Variants in SPEF2 observed in about 807,000 individuals in gnomAD.
SPEF2 encodes sperm flagella and cilia-associated protein 2.
SPEF2 carries 187 observed loss-of-function variants against 224.6 expected under a neutral mutation model. That is an observed-to-expected ratio of 0.83 (90% CI 0.74 to 0.94). The LOEUF (loss-of-function observed/expected upper bound fraction) is 0.94, where lower values mean the gene tolerates loss of function less well. Ranked by LOEUF, SPEF2 falls within the 40% of genes least tolerant of loss-of-function variation. The pLI, the probability that SPEF2 is intolerant of heterozygous loss-of-function variation, is 0.00. For synonymous variants in SPEF2, 715 were observed against 707.3 expected, an observed-to-expected ratio of 1.01 and a Z score of -0.17; for missense variants, 2,170 against 2,135.6, an observed-to-expected ratio of 1.02 and a Z score of -0.32.
chr5:35,681,978 A>T (rs1250105351), intron 10 of SPEF2, among the ~76,000 whole-genome samples: 1 of 152,186 alleles, frequency 6.6e-6, no homozygotes, highest in Non-Finnish European at 1.5e-5. Flanking sequence ...CATAAATTCA[A>T]ATTTCCCTGA....
intron 36 of SPEF2, among the ~76,000 whole-genome samples, chr5:35,808,870 AT>A (rs1022919088): frequency 1.4e-5 from 2 of 147,230 alleles, no homozygotes; most frequent in African/African-American, 5.1e-5. Context: ...ATGTAAAAAA[AT>A]TGGGTTTTAC....
chr5:35,763,428 C>T, intron 25 of SPEF2, 94 bp from the exon 26 acceptor site: 1 of 1,184,122 alleles, frequency 8.4e-7, no homozygotes, highest in Non-Finnish European at 1.1e-6. Flanking sequence ...TGAGATTAAA[C>T]CAAGACAGTA....
chr5:35,758,891 G>A (rs1222067212), intron 24 of SPEF2, among the ~76,000 whole-genome samples: 9 of 150,168 alleles, frequency 6.0e-5, no homozygotes, highest in East Asian at 2.0e-4. Flanking sequence ...CTGTAAACCC[G>A]GCTACTCAGG....
At chr5:35,693,906 T>TA (rs139473114) in intron 12 of SPEF2, among the ~76,000 whole-genome samples, 2 of 152,188 alleles carry the variant, frequency 1.3e-5, no homozygotes, top group Non-Finnish European at 2.9e-5. Flanking sequence ...AATGTACATT[T>TA]AAAAAAATTA....
intron 2 of SPEF2, among the ~76,000 whole-genome samples, chr5:35,640,811 T>A (rs993243726): frequency 6.6e-6 from 1 of 152,138 alleles, no homozygotes; most frequent in Non-Finnish European, 1.5e-5. Context: ...GAACATGAAT[T>A]CAAGATATTG....
chr5:35,792,314 A>G (rs1246148444), intron 30 of SPEF2, 26 bp from the exon 31 acceptor site: 1 of 1,582,250 alleles, frequency 6.3e-7, no homozygotes, highest in Non-Finnish European at 8.6e-7. Flanking sequence ...AAACCAAGTG[A>G]CAAAATATTT....
At chr5:35,791,603 A>T (rs1195301623) in intron 30 of SPEF2, 2 of 151,412 alleles carry the variant, frequency 1.3e-5, no homozygotes, top group African/African-American at 4.8e-5. Context: ...TTAGCCAGAC[A>T]TTTTTTTTTA....
chr5:35,764,481 A>G (rs753120873), intron 26 of SPEF2: 11 of 437,674 alleles, frequency 2.5e-5, no homozygotes, highest in Admixed American at 1.5e-4. Context: ...GTGCCACACC[A>G]TGGGGAAGAT....
At chr5:35,648,799 A>C (rs1747770592) in intron 5 of SPEF2, among the ~76,000 whole-genome samples, 2 of 152,104 alleles carry the variant, frequency 1.3e-5, no homozygotes, top group South Asian at 4.1e-4. Flanking sequence ...GGATCACCTG[A>C]GGTCAGGAGT....
At chr5:35,735,365 G>A (rs1163409232) in intron 21 of SPEF2, among the ~76,000 whole-genome samples, 1 of 152,296 alleles carries the variant, frequency 6.6e-6, no homozygotes, top group East Asian at 1.9e-4. Flanking sequence ...CTGACAGGCT[G>A]CCATAAGAAA....
chr5:35,765,528 C>A (rs1021390973), intron 26 of SPEF2, among the ~76,000 whole-genome samples: 6 of 152,064 alleles, frequency 3.9e-5, no homozygotes, highest in Non-Finnish European at 8.8e-5. Flanking sequence ...AGTGCTAAAC[C>A]CTTTCACCGT....
chr5:35,768,106 A>G (rs1175986339), intron 26 of SPEF2, among the ~76,000 whole-genome samples: 1 of 152,102 alleles, frequency 6.6e-6, no homozygotes, highest in Non-Finnish European at 1.5e-5. Context: ...ACTAGATTCT[A>G]AAACTTTTTG....
chr5:35,795,333 T>C (rs1756516412), intron 32 of SPEF2, among the ~76,000 whole-genome samples: 1 of 152,170 alleles, frequency 6.6e-6, no homozygotes, highest in Non-Finnish European at 1.5e-5. Flanking sequence ...GGGCACAGAC[T>C]CCTCCGAAAT....
rs76672037 is a variant in SPEF2 at position 35,697,640 on chromosome 5, T to A, written c.2038-50T>A. 3,170 of 1,463,562 alleles carry A rather than the reference T, an allele frequency of 2.2e-3. 6 individuals carry two copies. Among genetic ancestry groups the A allele is most frequent in the Non-Finnish European group, 2.8e-3 (2,928 of 1,053,718 alleles). 90.7% of individuals were successfully genotyped at this position (1,463,562 alleles called of 1,614,324 possible). A position where few individuals can be genotyped will look rare whatever the true frequency, so the allele number is the denominator to read the frequency against. ...TAACTTTTCCTCCAAATGTTTGGAA[T>A]TTGACTTTTAAATTAGCCATCTTCT... On this transcript the variant is annotated intron_variant, in intron 14 of 36. Coordinates refer to ENST00000356031, the MANE Select transcript of SPEF2 (RefSeq NM_024867.4).
Position 35,807,955 on chromosome 5 carries a change from A to C in SPEF2, c.5379+702A>C, listed in dbSNP as rs974707045. ...CCTCTCAGATACCAGTTTAACACGA[A>C]GTCTCCCTGTTTGACTCCTGTGAGT... On this transcript the variant is annotated intron_variant, in intron 36 of 36. Coordinates refer to ENST00000356031, the MANE Select transcript of SPEF2 (RefSeq NM_024867.4). 5.1e-6 allele frequency: 7 copies of C among 1,381,680 alleles called. No homozygotes were observed. The African/African-American group carries it at 1.0e-4, about 20-fold the overall frequency. 85.6% of individuals were successfully genotyped at this position (1,381,680 alleles called of 1,614,324 possible).
chr5:35,686,822 A>G (rs1385049835), intron 10 of SPEF2, among the ~76,000 whole-genome samples: 11 of 152,050 alleles, frequency 7.2e-5, no homozygotes, highest in Admixed American at 2.6e-4. Context: ...TTTTCTGATT[A>G]CATATTTTAT....
chr5:35,776,976 G>T (rs1216770326), intron 29 of SPEF2, among the ~76,000 whole-genome samples: 1 of 152,122 alleles, frequency 6.6e-6, no homozygotes, highest in Non-Finnish European at 1.5e-5. Context: ...AGTCATGATT[G>T]TCCAGACCAG....
chr5:35,641,598 G>T lies in SPEF2; in HGVS notation c.329G>T (p.Ser110Ile). ...ATTGCTCTTCAGAAAAAGAAGAAAA[G>T]TGGACTGACTGGAGTGGAGATGCAA... ...LYIALQKKKK[S>I]GLTGVEMQTM... Residue 110 changes from serine (S) to isoleucine (I), a missense_variant, in exon 3 of 37, where the codon AGT (serine) becomes ATT (isoleucine). Ser to Ile is a moderately radical substitution (Grantham distance 142). Transcript: ENST00000356031. 6.2e-7 allele frequency: 1 copy of T among 1,613,752 alleles called. No individual in the cohort carries two copies. The highest frequency in any genetic ancestry group is 8.5e-7 in the Non-Finnish European group (1 of 1,179,784).
At chr5:35,714,685 T>TTTAC (rs1554039998) in intron 20 of SPEF2, among the ~76,000 whole-genome samples, 2 of 133,906 alleles carry the variant, frequency 1.5e-5, no homozygotes, top group Non-Finnish European at 3.1e-5. Flanking sequence ...TTTATTTTTA[T>TTTAC]TTATTTATTT....
Sources: gnomAD v4.1 joint callset for allele counts (sites outside exome capture counted in the v4.1 genomes callset) on GRCh38, gnomAD v4.1.1 for gene constraint, MANE v1.5 for transcripts, NCBI Gene and HGNC (gene_info 2026-07-23, HGNC 2026-07-21) for gene names.